Variants in AK5 observed in about 807,000 individuals in gnomAD.
The protein encoded by AK5 is adenylate kinase 5.
In AK5, 27 loss-of-function variants were observed where a neutral mutation model predicts 69.5. The ratio of observed to expected loss-of-function variants is 0.39; its 90% confidence interval spans 0.29 to 0.54. AK5 has a LOEUF of 0.54. Among genes scored for constraint, AK5 ranks in the 20% least tolerant of loss-of-function variants. AK5 has a pLI of 0.71. For synonymous variants in AK5, 260 were observed against 244.4 expected, an observed-to-expected ratio of 1.06 and a Z score of -0.60; for missense variants, 531 against 700.4, an observed-to-expected ratio of 0.76 and a Z score of 2.73.
At chr1:77,480,254 C>G (rs1160162520) in intron 8 of AK5, among the ~76,000 whole-genome samples, 3 of 152,288 alleles carry the variant, frequency 2.0e-5, no homozygotes, top group Non-Finnish European at 4.4e-5. Flanking sequence ...ACATCTCATT[C>G]ACCTGGGCTT....
chr1:77,541,681 G>T (rs1031277933), intron 13 of AK5, among the ~76,000 whole-genome samples: 1 of 152,144 alleles, frequency 6.6e-6, no homozygotes, highest in African/African-American at 2.4e-5. Flanking sequence ...GTGGGATCAG[G>T]CCTAAAAGGC....
chr1:77,558,415 C>T (rs1257944742), intron 13 of AK5, among the ~76,000 whole-genome samples, 187 bp from the exon 14 acceptor site: 1 of 144,574 alleles, frequency 6.9e-6, no homozygotes. Context: ...AGTGGTACTT[C>T]ATTGTTTTTT....
chr1:77,376,536 G>T (rs1299762987), intron 6 of AK5, among the ~76,000 whole-genome samples: 1 of 144,854 alleles, frequency 6.9e-6, no homozygotes, highest in East Asian at 2.0e-4. Flanking sequence ...TCTTCTCTTT[G>T]ATTTTTTTTC....
At chr1:77,533,289 G>T (rs1276138944) in intron 12 of AK5, among the ~76,000 whole-genome samples, 1 of 152,118 alleles carries the variant, frequency 6.6e-6, no homozygotes, top group Non-Finnish European at 1.5e-5. Flanking sequence ...GCTGAGGTGG[G>T]TGGATCACTT....
At chr1:77,304,418 T>TC (rs1242454170) in intron 5 of AK5, among the ~76,000 whole-genome samples, 3 of 151,656 alleles carry the variant, frequency 2.0e-5, no homozygotes, top group African/African-American at 7.3e-5. Flanking sequence ...TTCTTTTTTT[T>TC]TTTTGACATG....
intron 13 of AK5, 87 bp from the exon 14 acceptor site, chr1:77,558,515 T>G: frequency 1.2e-6 from 1 of 855,134 alleles, no homozygotes; most frequent in Non-Finnish European, 1.9e-6. Context: ...GCAGAGCAAA[T>G]TATGAGCAAG....
At chr1:77,368,421 A>T (rs956506718) in intron 6 of AK5, among the ~76,000 whole-genome samples, 1 of 149,322 alleles carries the variant, frequency 6.7e-6, no homozygotes, top group African/African-American at 2.5e-5. Context: ...CAATATTTTA[A>T]ATAATGTTGT....
intron 10 of AK5, among the ~76,000 whole-genome samples, chr1:77,498,486 C>G (rs1394878383): frequency 6.6e-6 from 1 of 152,214 alleles, no homozygotes; most frequent in African/African-American, 2.4e-5. Context: ...AAAAGCAACA[C>G]TACATGAGTT....
intron 12 of AK5, among the ~76,000 whole-genome samples, chr1:77,526,484 T>C (rs1658294086): frequency 7.1e-6 from 1 of 141,292 alleles, no homozygotes; most frequent in Admixed American, 7.0e-5. Context: ...TTTTTTTTTT[T>C]TTTTTTTTTG....
intron 5 of AK5, among the ~76,000 whole-genome samples, chr1:77,312,749 C>T (rs572943545): frequency 6.6e-6 from 1 of 152,054 alleles, no homozygotes; most frequent in Non-Finnish European, 1.5e-5. Context: ...TAGTGTAACC[C>T]AAAGTCCCTC....
intron 5 of AK5, among the ~76,000 whole-genome samples, chr1:77,338,765 TC>T (rs1661497269): frequency 6.6e-6 from 1 of 152,106 alleles, no homozygotes; most frequent in Admixed American, 6.5e-5. Flanking sequence ...CCACATAGAA[TC>T]ATGAAAACTA....
intron 6 of AK5, among the ~76,000 whole-genome samples, chr1:77,385,663 A>T (rs1647974806): frequency 6.6e-6 from 1 of 152,202 alleles, no homozygotes. Context: ...AACAAAAAGC[A>T]ATGAACCTGG....
chr1:77,369,771 T>C (rs1194125494), intron 6 of AK5, among the ~76,000 whole-genome samples: 4 of 152,236 alleles, frequency 2.6e-5, no homozygotes, highest in Admixed American at 6.5e-5. Flanking sequence ...TAACCATTGC[T>C]TTCTAAAGGT....
chr1:77,389,685 G>A lies in AK5; in HGVS notation c.892-21296G>A, dbSNP rs571605585. Among the ~76,000 whole-genome samples the A allele has an allele frequency of 5.3e-5, 8 of 152,216 alleles. No homozygotes were observed. In the South Asian group the frequency reaches 1.7e-3, roughly 32 times the overall value. ...CTCTAAAATTTGTTTTTTAAGGCTGGGCACGATGGCTCATGCCTGTAATCT... is the reference window on the plus strand; with the variant it reads ...CTCTAAAATTTGTTTTTTAAGGCTGAGCACGATGGCTCATGCCTGTAATCT... On this transcript the variant is annotated intron_variant, in intron 6 of 13. Coordinates refer to ENST00000354567, the MANE Select transcript of AK5 (RefSeq NM_174858.3).
At chr1:77,476,438 A>G (rs1654939655) in intron 8 of AK5, among the ~76,000 whole-genome samples, 2 of 152,050 alleles carry the variant, frequency 1.3e-5, no homozygotes, top group Non-Finnish European at 2.9e-5. Context: ...AAGGGATTTC[A>G]AAACTTCATT....
At chr1:77,554,895 C>T (rs1001782440) in intron 13 of AK5, among the ~76,000 whole-genome samples, 2 of 151,616 alleles carry the variant, frequency 1.3e-5, no homozygotes, top group Non-Finnish European at 2.9e-5. Context: ...GGATTACAGG[C>T]GTGAGCCACC....
intron 8 of AK5, among the ~76,000 whole-genome samples, chr1:77,470,199 G>C (rs962000472): frequency 1.3e-5 from 2 of 152,160 alleles, no homozygotes; most frequent in Admixed American, 1.3e-4. Context: ...TACCTGTCAG[G>C]AGCTCAATAA....
intron 13 of AK5, among the ~76,000 whole-genome samples, chr1:77,539,912 A>G (rs1008000098): frequency 6.6e-6 from 1 of 152,150 alleles, no homozygotes; most frequent in Non-Finnish European, 1.5e-5. Context: ...GGGCTGGTGA[A>G]TGCACTTCAA....
chr1:77,418,093 A>C (rs1034791505), intron 8 of AK5, among the ~76,000 whole-genome samples: 4 of 152,188 alleles, frequency 2.6e-5, no homozygotes, highest in African/African-American at 9.6e-5. Flanking sequence ...TAACTGTATT[A>C]GTCCATTTTC....
Sources: gnomAD v4.1 joint callset for allele counts (sites outside exome capture counted in the v4.1 genomes callset) on GRCh38, gnomAD v4.1.1 for gene constraint, MANE v1.5 for transcripts, NCBI Gene and HGNC (gene_info 2026-07-23, HGNC 2026-07-21) for gene names.